The following USH2A variants were observed in gnomAD, a reference collection of about 807,000 sequenced individuals.
USH2A encodes Usher syndrome 2A (autosomal recessive, mild).
Under a neutral mutation model 538.9 loss-of-function variants are expected in USH2A, and 443 were observed. The ratio of observed to expected loss-of-function variants is 0.82; its 90% CI spans 0.76 to 0.89. The LOEUF (loss-of-function observed/expected upper bound fraction) is 0.89. USH2A is among the 40% of genes least tolerant of loss of function. The pLI is 0.00. For synonymous variants in USH2A, 2,413 were observed against 2,273.5 expected (o/e 1.06, Z -1.75); for missense variants, 6,633 against 6,324.8 (o/e 1.05, Z -1.65).
At position 216,365,106 on chromosome 1, in the gene USH2A, T is replaced by C. The variant is rs745809231; in HGVS notation, c.652-21A>G. On this transcript the variant is annotated intron_variant, in intron 3 of 71. Transcript: ENST00000307340. Reference sequence around the variant, plus strand: ...TGCACCTGTAAGAAATTACCACCATTATTAGTTTAAGTGCATAAACTTTTA... The same window carrying C: ...TGCACCTGTAAGAAATTACCACCATCATTAGTTTAAGTGCATAAACTTTTA... 1.9e-6 allele frequency: 3 copies of C among 1,607,538 alleles called. No individual in the cohort carries two copies. The South Asian group carries it at 3.4e-5, about 18-fold the overall frequency.
At chr1:216,070,422 T>C in intron 29 of USH2A, 130 bp from the exon 30 acceptor site, 2 of 881,994 alleles carry the variant, frequency 2.3e-6, no homozygotes, top group South Asian at 2.9e-5. Context: ...ATTAGAGTTG[T>C]AACTTTTCAG....
intron 71 of USH2A, among the ~76,000 whole-genome samples, chr1:215,627,446 TTCCTTCCTTCC>T (rs1656088332): frequency 2.3e-5 from 3 of 130,998 alleles, no homozygotes; most frequent in African/African-American, 8.2e-5. Context: ...CCTTCCTTCC[TTCCTTCCTTCC>T]TTCCTTCCTT....
intron 50 of USH2A, among the ~76,000 whole-genome samples, chr1:215,793,081 T>A (rs1481804099): frequency 6.6e-6 from 1 of 152,130 alleles, no homozygotes; most frequent in Non-Finnish European, 1.5e-5. Flanking sequence ...AGGAAAAAAT[T>A]TTTACTCACA....
intron 61 of USH2A, among the ~76,000 whole-genome samples, chr1:215,717,494 A>C (rs546119710): frequency 4.3e-4 from 66 of 152,204 alleles, no homozygotes; most frequent in Non-Finnish European, 7.2e-4. Flanking sequence ...TTATAAGTAC[A>C]ATCAATACCA....
intron 25 of USH2A, 63 bp from the exon 26 acceptor site, chr1:216,083,649 G>T (rs1450325349): frequency 1.9e-6 from 3 of 1,556,556 alleles, no homozygotes; most frequent in Middle Eastern, 1.7e-4. Flanking sequence ...CATTGTAAGG[G>T]TGCTAAGAAA....
intron 5 of USH2A, among the ~76,000 whole-genome samples, chr1:216,326,006 G>A (rs1458806087): frequency 6.6e-5 from 10 of 152,166 alleles, no homozygotes; most frequent in African/African-American, 2.2e-4. Context: ...TATAGATAAT[G>A]TTTTCAGTTC....
intron 38 of USH2A, among the ~76,000 whole-genome samples, chr1:215,931,288 C>T (rs1165532685): frequency 6.6e-6 from 1 of 151,894 alleles, no homozygotes; most frequent in East Asian, 1.9e-4. Flanking sequence ...AGAGGTAGGA[C>T]TGGCAAATAA....
Position 216,097,747 on chromosome 1 carries a change from C to T in USH2A, c.4628-534G>A, listed in dbSNP as rs374814784. On this transcript the variant is annotated intron_variant, in intron 21 of 71. Coordinates refer to ENST00000307340, the MANE Select transcript of USH2A (RefSeq NM_206933.4). The stretch of plus-strand genomic sequence containing the variant: ...TTCAGAATTTTGGGATCTTTACTGA[C>T]CCTTCAGAGCACATACTAGCCCTGC... Among the ~76,000 whole-genome samples, 152 of 152,308 alleles carry T rather than the reference C, an allele frequency of 1.0e-3. 1 individual carries two copies. Among genetic ancestry groups the T allele is most frequent in the Non-Finnish European group, 2.9e-5 (2 of 68,022 alleles).
At chr1:215,866,750 G>C (rs898262137) in intron 44 of USH2A, among the ~76,000 whole-genome samples, 3 of 152,184 alleles carry the variant, frequency 2.0e-5, no homozygotes, top group Non-Finnish European at 2.9e-5. Flanking sequence ...AAGTAGGAGA[G>C]AGTTTGCATC....
At chr1:216,086,925 G>C in intron 23 of USH2A, 105 bp from the exon 24 acceptor site, 2 of 827,514 alleles carry the variant, frequency 2.4e-6, no homozygotes, top group Non-Finnish European at 4.1e-6. Context: ...CCACTCTCTT[G>C]GTTTTCCTCT....
At chr1:215,993,583 A>G (rs1339418460) in intron 34 of USH2A, among the ~76,000 whole-genome samples, 1 of 151,918 alleles carries the variant, frequency 6.6e-6, no homozygotes, top group Non-Finnish European at 1.5e-5. Context: ...GAGGATGAAG[A>G]CTACTTTAAG....
intron 38 of USH2A, among the ~76,000 whole-genome samples, chr1:215,926,210 CAA>C (rs56162024): frequency 0.015 from 1,687 of 111,522 alleles, 27 homozygotes; most frequent in East Asian, 0.067. Context: ...AGAGACCCTG[CAA>C]AAAAAAAAAA....
intron 40 of USH2A, among the ~76,000 whole-genome samples, chr1:215,890,596 T>A (rs1007720786): frequency 5.3e-5 from 8 of 152,228 alleles, no homozygotes; most frequent in Admixed American, 1.3e-4. Flanking sequence ...AGTCATGGTA[T>A]AAATCACACT....
In USH2A at chr1:216,232,163, A is replaced by G. The variant is rs777518967; in HGVS notation, c.2810-27T>C. ...TAGAAATAAAGAAATTAAAAGTTTT[A>G]TATATACTTTTTATCCACTCTTTTA... On this transcript the variant is annotated intron_variant, in intron 13 of 71. Transcript: ENST00000307340. The G allele has an allele frequency of 1.6e-5, 25 of 1,587,680 alleles. 1 individual carries two copies. Among genetic ancestry groups the G allele is most frequent in the Admixed American group, 3.4e-5 (2 of 58,946 alleles).
intron 37 of USH2A, among the ~76,000 whole-genome samples, chr1:215,949,431 G>A (rs180965378): frequency 5.9e-4 from 89 of 152,054 alleles, no homozygotes; most frequent in Admixed American, 1.3e-3. Context: ...TGTTCAACTG[G>A]AAGAATATGC....
chr1:215,730,060 T>C (rs1659947434), intron 60 of USH2A, among the ~76,000 whole-genome samples: 1 of 152,236 alleles, frequency 6.6e-6, no homozygotes, highest in Admixed American at 6.5e-5. Context: ...CTTTAGATTT[T>C]GTTGATAGGG....
intron 35 of USH2A, among the ~76,000 whole-genome samples, chr1:215,974,518 G>A (rs577247209): frequency 6.6e-6 from 1 of 152,000 alleles, no homozygotes; most frequent in Admixed American, 6.6e-5. Context: ...TTAATCCTCA[G>A]GGTCTATTGT....
rs750260175 is a variant in USH2A at position 216,070,103 on chromosome 1, G to A, written c.6047C>T (p.Thr2016Ile). Reference protein sequence around the residue: ...SAEFVNTSNLTGILTGLLPFK... With the variant: ...SAEFVNTSNLIGILTGLLPFK... ...CTCTGTTAAAGGATTGCATTTACCT[G>A]TGAGGTTGCTTGTATTGACAAATTC... Residue 2016 changes from threonine to isoleucine, a missense_variant and splice_region_variant, in exon 30 of 72, where the codon ACA (threonine) becomes ATA (isoleucine). Physicochemically the swap from Thr to Ile is moderately conservative, Grantham distance 89 (BLOSUM62 -1). Transcript: ENST00000307340. 22 of 1,613,804 alleles carry A rather than the reference G, an allele frequency of 1.4e-5. No individual in the cohort carries two copies. Among genetic ancestry groups the A allele is most frequent in the Non-Finnish European group, 1.8e-5 (21 of 1,179,890 alleles).
At chr1:216,109,220 GGAT>G (rs1275827124) in intron 21 of USH2A, among the ~76,000 whole-genome samples, 1 of 152,116 alleles carries the variant, frequency 6.6e-6, no homozygotes, top group Non-Finnish European at 1.5e-5. Flanking sequence ...CAAGTGTGGA[GGAT>G]AATAGTGTAA....
Sources: gnomAD v4.1 joint callset for allele counts (sites outside exome capture counted in the v4.1 genomes callset) on GRCh38, gnomAD v4.1.1 for gene constraint, MANE v1.5 for transcripts, NCBI Gene and HGNC (gene_info 2026-07-23, HGNC 2026-07-21) for gene names.